ZMIZ1: variants seen among roughly 807,000 people sequenced by gnomAD.
ZMIZ1 encodes the protein zinc finger MIZ domain-containing protein 1.
Under a neutral mutation model 113.9 loss-of-function variants are expected in ZMIZ1, and 17 were observed. That is an observed-to-expected ratio of 0.15 (90% CI 0.10 to 0.22). The LOEUF is 0.22. ZMIZ1 is among the 10% of genes least tolerant of loss of function. The pLI is 1.00. For synonymous variants in ZMIZ1, 607 were observed against 603.1 expected, an observed-to-expected ratio of 1.01 and a Z score of -0.09; for missense variants, 1,059 against 1,477.8, an observed-to-expected ratio of 0.72 and a Z score of 4.65.
intron 23 of ZMIZ1, among the ~76,000 whole-genome samples, chr10:79,309,019 G>A (rs1338302553): frequency 1.3e-5 from 2 of 152,198 alleles, no homozygotes; most frequent in African/African-American, 2.4e-5. Flanking sequence ...TAGAGGGCAA[G>A]CAGACCTGGA....
intron 7 of ZMIZ1, among the ~76,000 whole-genome samples, chr10:79,274,732 A>G (rs1332259371): frequency 4.6e-5 from 7 of 152,184 alleles, no homozygotes; most frequent in African/African-American, 1.7e-4. Flanking sequence ...GCTGATCCAC[A>G]TATCACGCCT....
intron 7 of ZMIZ1, among the ~76,000 whole-genome samples, chr10:79,226,433 C>G (rs1849202983): frequency 6.6e-6 from 1 of 152,206 alleles, no homozygotes; most frequent in South Asian, 2.1e-4. Flanking sequence ...ACAGGTGCAC[C>G]CAGGACAGAG....
At chr10:79,080,132 A>T (rs527390528) in intron 1 of ZMIZ1, among the ~76,000 whole-genome samples, 1 of 152,018 alleles carries the variant, frequency 6.6e-6, no homozygotes, top group Non-Finnish European at 1.5e-5. Flanking sequence ...CGCAGTCCTC[A>T]TGTCCCCACC....
At position 79,149,458 on chromosome 10, in the gene ZMIZ1, G is replaced by A. The variant is rs561674899; in HGVS notation, c.-131+9681G>A. 2.2e-4 allele frequency among the ~76,000 whole-genome samples: 34 copies of A among 152,288 alleles called. 1 individual carries two copies. The highest frequency in any genetic ancestry group is 1.8e-3 in the Admixed American group (28 of 15,304). On this transcript the variant is annotated intron_variant, in intron 3 of 24. Coordinates refer to ENST00000334512, the MANE Select transcript of ZMIZ1 (RefSeq NM_020338.4). ...ACTCCCACCATACCCCCAACCTGTGGACAGGTGAGCCTCCAGTTCCTGAGG... is the reference window on the plus strand; with the variant it reads ...ACTCCCACCATACCCCCAACCTGTGAACAGGTGAGCCTCCAGTTCCTGAGG...
chr10:79,296,531 T>G lies in ZMIZ1; in HGVS notation c.1291T>G (p.Tyr431Asp), dbSNP rs1286995565. The part of the protein sequence containing the change: ...NSQFPTQPGQ[Y>D]PAPNPPRPLT... ...CCAGTTCCCCACCCAGCCAGGCCAG[T>G]ACCCAGCCCCCAACCCCCCGAGGCC... Residue 431 changes from tyrosine to aspartate, a missense_variant, in exon 13 of 25, where the codon TAC becomes GAC. Around this residue, in one of 6 missense-constraint regions of ZMIZ1, gnomAD observed 239 missense variants for 247.5 expected, o/e 0.97. Coordinates refer to ENST00000334512, the MANE Select transcript of ZMIZ1 (RefSeq NM_020338.4). The surrounding 1 kb of genome is among the most constrained non-coding windows in gnomAD (Gnocchi z 4.1). 1 of 1,613,284 alleles carries G rather than the reference T, an allele frequency of 6.2e-7. No homozygotes were observed. Among genetic ancestry groups the G allele is most frequent in the Non-Finnish European group, 8.5e-7 (1 of 1,179,742 alleles).
At chr10:79,174,603 C>T (rs1038142311) in intron 4 of ZMIZ1, among the ~76,000 whole-genome samples, 11 of 152,214 alleles carry the variant, frequency 7.2e-5, no homozygotes, top group African/African-American at 2.4e-4. Flanking sequence ...AAGGGATGCT[C>T]ATGTTGGGAA....
At chr10:79,079,514 A>C (rs926569017) in intron 1 of ZMIZ1, among the ~76,000 whole-genome samples, 13 of 152,340 alleles carry the variant, frequency 8.5e-5, no homozygotes, top group African/African-American at 3.1e-4. Context: ...TGACTCTTGA[A>C]GATGTGAATA....
chr10:79,265,612 C>T (rs1279133158), intron 7 of ZMIZ1, among the ~76,000 whole-genome samples: 1 of 151,808 alleles, frequency 6.6e-6, no homozygotes, highest in African/African-American at 2.4e-5. Context: ...GCAGCAATAC[C>T]ATCAGTCTGC....
Position 79,306,496 on chromosome 10 carries a change from C to G in ZMIZ1, c.2668+152C>G, listed in dbSNP as rs1854708776. The G allele has an allele frequency of 5.8e-6, 8 of 1,374,776 alleles. No homozygotes were observed. In the East Asian group the frequency reaches 1.8e-4, roughly 32 times the overall value. 85.2% of individuals were successfully genotyped at this position (1,374,776 alleles called of 1,614,324 possible). On this transcript the variant is annotated intron_variant, in intron 22 of 24. Transcript: ENST00000334512. ...CCCCCAAAAAACAATTCCCAGTTTG[C>G]TAGACTTGAGGGTACATGGGCCTAG...
intron 3 of ZMIZ1, among the ~76,000 whole-genome samples, chr10:79,142,531 T>G (rs1049602039): frequency 2.6e-5 from 4 of 152,106 alleles, no homozygotes; most frequent in African/African-American, 9.7e-5. Context: ...TGGAAAGGAC[T>G]CTGTATGCTG....
At chr10:79,224,065 G>T (rs542324658) in intron 7 of ZMIZ1, among the ~76,000 whole-genome samples, 1 of 152,162 alleles carries the variant, frequency 6.6e-6, no homozygotes, top group African/African-American at 2.4e-5. Flanking sequence ...TTAAAACGAG[G>T]TCTCCAAAGA....
rs535376797 is a variant in ZMIZ1, at chr10:79,312,963, C to A, written c.*214C>A. The stretch of plus-strand genomic sequence containing the variant: ...GAAGGCTGTGTGGGTCTGGAGCCCA[C>A]GTCCCACCTCCACACCCTTGGCTTG... On this transcript the variant is annotated 3_prime_UTR_variant, in exon 25 of 25. Coordinates refer to ENST00000334512, the MANE Select transcript of ZMIZ1 (RefSeq NM_020338.4). 1.2e-4 allele frequency: 70 copies of A among 572,458 alleles called. 2 individuals are homozygous for A. In the South Asian group the frequency reaches 1.4e-3, roughly 11 times the overall value. 35.5% of individuals were successfully genotyped at this position (572,458 alleles called of 1,614,324 possible). A position where few individuals can be genotyped will look rare whatever the true frequency, so the allele number is the denominator to read the frequency against.
At chr10:79,276,082 C>T (rs971989264) in intron 7 of ZMIZ1, among the ~76,000 whole-genome samples, 1 of 152,204 alleles carries the variant, frequency 6.6e-6, no homozygotes, top group Non-Finnish European at 1.5e-5. Context: ...GAGGTGTGGC[C>T]ACCCTTTGTC....
intron 21 of ZMIZ1, 60 bp downstream of exon 21, chr10:79,305,661 A>C (rs577337313): frequency 6.5e-7 from 1 of 1,547,844 alleles, no homozygotes; most frequent in African/African-American, 1.4e-5. Context: ...GATTAGAGCA[A>C]GGTGAGCAGG....
intron 7 of ZMIZ1, among the ~76,000 whole-genome samples, chr10:79,224,554 C>G (rs564202840): frequency 6.6e-6 from 1 of 152,286 alleles, no homozygotes; most frequent in South Asian, 2.1e-4. Flanking sequence ...TACCTGCTTT[C>G]CAGGCCTGTC....
chr10:79,101,365 T>C (rs1309165247), intron 1 of ZMIZ1, among the ~76,000 whole-genome samples: 1 of 151,984 alleles, frequency 6.6e-6, no homozygotes. Flanking sequence ...GGGAACAGCA[T>C]ATGCAAAGGC....
At chr10:79,103,043 G>T (rs572277209) in intron 1 of ZMIZ1, among the ~76,000 whole-genome samples, 1 of 152,268 alleles carries the variant, frequency 6.6e-6, no homozygotes, top group East Asian at 1.9e-4. Flanking sequence ...TAGTAATGTC[G>T]AGCGATGTGT....
chr10:79,296,916 T>A lies in ZMIZ1; in HGVS notation c.1413+263T>A. On this transcript the variant is annotated intron_variant, in intron 13 of 24. Coordinates refer to ENST00000334512, the MANE Select transcript of ZMIZ1 (RefSeq NM_020338.4). This position sits in a 1 kb window ranked among gnomAD's most constrained non-coding sequence, Gnocchi z 4.1. Reference sequence around the variant, plus strand: ...CTTATTCACGGCACTCACAAAATAATAAAGGAAATATATTTTATTAAAAAA... The same window carrying A: ...CTTATTCACGGCACTCACAAAATAAAAAAGGAAATATATTTTATTAAAAAA... 2.7e-6 allele frequency: 1 copy of A among 365,418 alleles called. No homozygotes were observed. The highest frequency in any genetic ancestry group is 4.9e-6 in the Non-Finnish European group (1 of 205,510). The allele number at this position is 365,418 out of a possible 1,614,324, so 22.6% of individuals were successfully genotyped here.
At chr10:79,121,170 C>T (rs1410344404) in intron 2 of ZMIZ1, among the ~76,000 whole-genome samples, 4 of 152,202 alleles carry the variant, frequency 2.6e-5, no homozygotes, top group Admixed American at 6.5e-5. Flanking sequence ...AACATTTATG[C>T]TCTTTTCTCC....
Sources: gnomAD v4.1 joint callset for allele counts (sites outside exome capture counted in the v4.1 genomes callset) on GRCh38, gnomAD v4.1.1 for gene constraint, gnomAD v4.1.1 regional missense constraint, Gnocchi (gnomAD v3.1) non-coding constraint, MANE v1.5 for transcripts, NCBI Gene and HGNC (gene_info 2026-07-23, HGNC 2026-07-21) for gene names.